LARP4: variants seen among roughly 807,000 people sequenced by gnomAD.
The protein encoded by LARP4 is La ribonucleoprotein 4.
LARP4 carries 29 observed loss-of-function variants against 92.9 expected under a neutral mutation model. The ratio of observed to expected loss-of-function variants is 0.31; its 90% CI spans 0.23 to 0.43. LARP4 has a LOEUF of 0.43. LARP4 is among the 20% of genes least tolerant of loss of function. LARP4 has a pLI of 1.00. For synonymous variants in LARP4, 279 were observed against 284.1 expected (o/e 0.98, Z 0.18); for missense variants, 732 against 860.0 (o/e 0.85, Z 1.86).
At chr12:50,450,352 G>A (rs1284381083) in intron 8 of LARP4, among the ~76,000 whole-genome samples, 1 of 152,072 alleles carries the variant, frequency 6.6e-6, no homozygotes, top group Non-Finnish European at 1.5e-5. Flanking sequence ...GCTACTTTAT[G>A]GGGAAATGGT....
intron 8 of LARP4, among the ~76,000 whole-genome samples, chr12:50,442,385 C>A (rs1951351615): frequency 1.3e-5 from 2 of 152,188 alleles, no homozygotes; most frequent in African/African-American, 4.8e-5. Context: ...CATGTCTAAT[C>A]TGTTCTCAGG....
In LARP4 at chr12:50,401,022, C is replaced by A. The variant is rs377730344; in HGVS notation, c.12C>A (p.Phe4Leu). The change falls in exon 1 of 16, where the codon TTC becomes TTA. Residue 4 changes from phenylalanine (F) to leucine (L), a missense_variant. Transcript: ENST00000398473. MLL[F>L]VEQVASKGTG... ...GAGCAGAGGACGACATGTTGCTTTT[C>A]GTGGAGGTGAGTGCATTATGCTAGT... 8.8e-5 allele frequency: 142 copies of A among 1,614,096 alleles called. No individual in the cohort carries two copies. The African/African-American group carries it at 1.7e-3, about 19-fold the overall frequency.
chr12:50,419,551 G>A (rs1313204525), intron 1 of LARP4, among the ~76,000 whole-genome samples: 1 of 152,044 alleles, frequency 6.6e-6, no homozygotes, highest in Non-Finnish European at 1.5e-5. Flanking sequence ...TTTAAATCTA[G>A]TCCAGATTGG....
intron 1 of LARP4, among the ~76,000 whole-genome samples, chr12:50,426,548 G>A (rs1217461401): frequency 1.3e-5 from 2 of 151,844 alleles, no homozygotes; most frequent in Non-Finnish European, 2.9e-5. Context: ...AAAGGTATAC[G>A]CTTGTTATCC....
intron 4 of LARP4, among the ~76,000 whole-genome samples, chr12:50,432,240 A>G (rs1396728688): frequency 1.3e-5 from 2 of 152,200 alleles, no homozygotes; most frequent in Non-Finnish European, 2.9e-5. Flanking sequence ...TATGCTGTAC[A>G]TTACATACAA....
chr12:50,412,693 T>C (rs548713476), intron 1 of LARP4, among the ~76,000 whole-genome samples: 1 of 152,290 alleles, frequency 6.6e-6, no homozygotes, highest in Non-Finnish European at 1.5e-5. Flanking sequence ...GGGGATGACA[T>C]ATTGCTTAGA....
intron 4 of LARP4, 89 bp downstream of exon 4, chr12:50,430,659 A>C: frequency 1.3e-6 from 1 of 754,662 alleles, no homozygotes; most frequent in Non-Finnish European, 2.1e-6. Context: ...TTATTTAACT[A>C]ATTTTTTTTT....
At chr12:50,447,114 A>C (rs1952334471) in intron 8 of LARP4, among the ~76,000 whole-genome samples, 1 of 152,208 alleles carries the variant, frequency 6.6e-6, no homozygotes, top group Non-Finnish European at 1.5e-5. Context: ...AGCATCCCAA[A>C]TCCTAAATTT....
intron 13 of LARP4, among the ~76,000 whole-genome samples, chr12:50,470,220 C>CAA (rs71083576): frequency 1.4e-5 from 2 of 147,646 alleles, no homozygotes; most frequent in Non-Finnish European, 1.5e-5. Flanking sequence ...CAACCTGTCT[C>CAA]AAAAAAAAAA....
At chr12:50,437,870 T>G in intron 6 of LARP4, 32 bp downstream of exon 6, 3 of 1,343,462 alleles carry the variant, frequency 2.2e-6, no homozygotes, top group Non-Finnish European at 3.2e-6. Context: ...ACACTAAATG[T>G]TCTCTGTTTA....
intron 1 of LARP4, among the ~76,000 whole-genome samples, chr12:50,413,697 CTG>C (rs1446451542): frequency 4.6e-5 from 7 of 152,090 alleles, no homozygotes; most frequent in Admixed American, 4.6e-4. Flanking sequence ...CAGCACATGA[CTG>C]TAATTATAGA....
chr12:50,401,159 C>T, intron 1 of LARP4, 131 bp downstream of exon 1: 1 of 1,014,138 alleles, frequency 9.9e-7, no homozygotes, highest in Non-Finnish European at 1.6e-6. Flanking sequence ...GACACAGCAC[C>T]TGGGCCGAGC....
chr12:50,450,203 T>C (rs186756525), intron 8 of LARP4, among the ~76,000 whole-genome samples: 32 of 152,284 alleles, frequency 2.1e-4, no homozygotes, highest in African/African-American at 7.7e-4. Context: ...GTGCTGGGAT[T>C]ACAGGCGTGA....
intron 4 of LARP4, among the ~76,000 whole-genome samples, chr12:50,431,256 G>A (rs1181982305): frequency 2.6e-5 from 4 of 151,982 alleles, no homozygotes; most frequent in Non-Finnish European, 4.4e-5. Context: ...CAACAAGAGC[G>A]AAACTCCATC....
At chr12:50,415,280 G>A (rs966412183) in intron 1 of LARP4, among the ~76,000 whole-genome samples, 8 of 152,102 alleles carry the variant, frequency 5.3e-5, no homozygotes, top group Non-Finnish European at 7.3e-5. Flanking sequence ...ATGCCCAGAA[G>A]TACTGCTTAT....
chr12:50,417,202 G>A (rs1946956086), intron 1 of LARP4, among the ~76,000 whole-genome samples: 1 of 151,946 alleles, frequency 6.6e-6, no homozygotes, highest in Admixed American at 6.6e-5. Flanking sequence ...GAGGTCAGGA[G>A]TTCAAGATCA....
intron 10 of LARP4, among the ~76,000 whole-genome samples, chr12:50,460,756 C>T (rs745537093): frequency 9.2e-5 from 14 of 152,060 alleles, no homozygotes; most frequent in East Asian, 1.9e-4. Context: ...CTGGCTAACA[C>T]GGTGAAACCC....
At chr12:50,474,939 T>A (rs1957385956) in intron 15 of LARP4, among the ~76,000 whole-genome samples, 1 of 152,210 alleles carries the variant, frequency 6.6e-6, no homozygotes, top group Non-Finnish European at 1.5e-5. Context: ...AGTACAGCAC[T>A]TTTAAAAATA....
At chr12:50,408,064 C>A (rs1945162309) in intron 1 of LARP4, among the ~76,000 whole-genome samples, 1 of 151,372 alleles carries the variant, frequency 6.6e-6, no homozygotes, top group Admixed American at 6.6e-5. Context: ...CAGAAGAGTG[C>A]TTTAGATGAA....
Sources: gnomAD v4.1 joint callset for allele counts (sites outside exome capture counted in the v4.1 genomes callset) on GRCh38, gnomAD v4.1.1 for gene constraint, MANE v1.5 for transcripts, NCBI Gene and HGNC (gene_info 2026-07-23, HGNC 2026-07-21) for gene names.